The following MICU3 variants were observed in gnomAD, a reference collection of about 807,000 sequenced individuals.
MICU3 encodes mitochondrial calcium uptake 3.
In MICU3, 62 loss-of-function variants were observed where a neutral mutation model predicts 66.5. The ratio of observed to expected loss-of-function variants is 0.93; its 90% confidence interval spans 0.76 to 1.15. The LOEUF is 1.15. Among genes scored for constraint, MICU3 ranks in the 50% most tolerant of loss-of-function variants. The pLI, the probability that MICU3 is intolerant of heterozygous loss-of-function variation, is 0.00. For missense variants in MICU3, 779 were observed against 664.4 expected, an observed-to-expected ratio of 1.17 and a Z score of -1.90; for synonymous variants, 308 against 240.7, an observed-to-expected ratio of 1.28 and a Z score of -2.59.
At chr8:17,034,169 C>T (rs2150491773) in intron 1 of MICU3, among the ~76,000 whole-genome samples, 1 of 152,288 alleles carries the variant, frequency 6.6e-6, no homozygotes, top group Non-Finnish European at 1.5e-5. Context: ...TCTATGCTAC[C>T]TGTGTTATGT....
chr8:17,077,536 C>G (rs1020211934), intron 3 of MICU3, among the ~76,000 whole-genome samples: 3 of 152,132 alleles, frequency 2.0e-5, no homozygotes, highest in African/African-American at 7.2e-5. Context: ...CGTTATTCAA[C>G]TTATCTGAAA....
rs76019540 is a variant in MICU3, at chr8:17,116,201, T to C, written c.1367-242T>C. On this transcript the variant is annotated intron_variant, in intron 12 of 14. Transcript: ENST00000318063. ...AGTATCTGTCACTGATAGTAGGTGC[T>C]CATTAAACATTCATCGAATGTGAAT... Among the ~76,000 whole-genome samples, 1,170 of 152,340 alleles carry C rather than the reference T, an allele frequency of 7.7e-3. 14 individuals are homozygous for C. The highest frequency in any genetic ancestry group is 0.02 in the Middle Eastern group (6 of 294).
chr8:17,053,718 AT>A (rs1020183074), intron 1 of MICU3, among the ~76,000 whole-genome samples: 11 of 152,182 alleles, frequency 7.2e-5, no homozygotes, highest in African/African-American at 2.7e-4. Flanking sequence ...AATCATGTAT[AT>A]TTTTATCATT....
chr8:17,088,131 C>G (rs540117382), intron 7 of MICU3, among the ~76,000 whole-genome samples: 10 of 151,946 alleles, frequency 6.6e-5, no homozygotes, highest in African/African-American at 2.4e-4. Flanking sequence ...TGAATGAAAG[C>G]AGATTATCAG....
At chr8:17,118,230 A>G (rs1300771019) in intron 13 of MICU3, among the ~76,000 whole-genome samples, 1 of 152,076 alleles carries the variant, frequency 6.6e-6, no homozygotes, top group Non-Finnish European at 1.5e-5. Context: ...TTTATTACAT[A>G]CCTGTGGCCT....
At chr8:17,083,895 A>G (rs1821559278) in intron 5 of MICU3, among the ~76,000 whole-genome samples, 1 of 152,220 alleles carries the variant, frequency 6.6e-6, no homozygotes, top group African/African-American at 2.4e-5. Flanking sequence ...GGCAAGGATA[A>G]GAAGTGTTGG....
chr8:17,067,705 G>A (rs1029414927), intron 2 of MICU3, among the ~76,000 whole-genome samples: 1 of 152,096 alleles, frequency 6.6e-6, no homozygotes, highest in Non-Finnish European at 1.5e-5. Context: ...CTCCAAAGGG[G>A]TGCAATTACA....
rs770814241 is a variant in MICU3 at position 17,116,598 on chromosome 8, C to A, written c.1522C>A (p.Arg508=). The A allele has an allele frequency of 1.9e-6, 3 of 1,554,026 alleles. No homozygotes were observed. The highest frequency in any genetic ancestry group is 2.5e-5 in the South Asian group (2 of 79,912). Residue 508 remains arginine (R), a splice_region_variant and synonymous_variant, in exon 13 of 15, where the codon CGG becomes AGG. Transcript: ENST00000318063. ...IMKDRLHRGF[R]GYKTVQKYPT... ...GAAAGACAGACTCCATAGAGGATTC[C>A]GGGTAAACCTACACATTTTAAACCT... is the stretch of plus-strand genomic sequence containing the variant.
chr8:17,030,681 T>C (rs895297743), intron 1 of MICU3, among the ~76,000 whole-genome samples: 2 of 152,270 alleles, frequency 1.3e-5, no homozygotes, highest in Admixed American at 6.5e-5. Context: ...ACAGCACTTA[T>C]GTTGGTGAGT....
At chr8:17,072,711 C>G (rs761711209) in intron 3 of MICU3, among the ~76,000 whole-genome samples, 1 of 151,840 alleles carries the variant, frequency 6.6e-6, no homozygotes, top group Non-Finnish European at 1.5e-5. Context: ...CCTACAATGG[C>G]CACTGAATAT....
chr8:17,040,245 C>T (rs919357549), intron 1 of MICU3, among the ~76,000 whole-genome samples: 14 of 152,104 alleles, frequency 9.2e-5, no homozygotes, highest in African/African-American at 3.1e-4. Context: ...TTTAAAGCTT[C>T]TTTGAGGAAG....
At chr8:17,059,713 T>C (rs542339529) in intron 1 of MICU3, among the ~76,000 whole-genome samples, 1 of 152,226 alleles carries the variant, frequency 6.6e-6, no homozygotes, top group African/African-American at 2.4e-5. Flanking sequence ...GAAAGTGTAA[T>C]AGAATAAAAG....
At chr8:17,044,057 G>T (rs904780187) in intron 1 of MICU3, among the ~76,000 whole-genome samples, 1 of 152,102 alleles carries the variant, frequency 6.6e-6, no homozygotes, top group African/African-American at 2.4e-5. Context: ...CATACTTAAG[G>T]TTCTTGCCTT....
At chr8:17,054,545 C>T (rs1305715404) in intron 1 of MICU3, among the ~76,000 whole-genome samples, 13 of 151,970 alleles carry the variant, frequency 8.6e-5, no homozygotes, top group Admixed American at 8.5e-4. Flanking sequence ...AATGTGAAGA[C>T]CTGTAGGTAG....
chr8:17,073,862 G>C (rs547214087), intron 3 of MICU3, among the ~76,000 whole-genome samples: 1 of 152,116 alleles, frequency 6.6e-6, no homozygotes, highest in Non-Finnish European at 1.5e-5. Context: ...ATTAACATGA[G>C]TAGAACTAGA....
At chr8:17,124,164 C>G (rs1563411306), downstream of MICU3, among the ~76,000 whole-genome samples, 2 of 152,034 alleles carry the variant, frequency 1.3e-5, no homozygotes, top group Non-Finnish European at 2.9e-5. Context: ...AGTCCCCCTC[C>G]AAGACACACA....
intron 1 of MICU3, among the ~76,000 whole-genome samples, chr8:17,046,236 G>A (rs1316637016): frequency 6.6e-6 from 1 of 152,112 alleles, no homozygotes; most frequent in Non-Finnish European, 1.5e-5. Flanking sequence ...GTGGGATCTA[G>A]CACTATCTCC....
chr8:17,083,082 A>G (rs1017210607), intron 5 of MICU3, among the ~76,000 whole-genome samples: 35 of 152,130 alleles, frequency 2.3e-4, no homozygotes, highest in Middle Eastern at 3.4e-3. Flanking sequence ...AGAGTTCTTA[A>G]GGATAATTTG....
intron 1 of MICU3, among the ~76,000 whole-genome samples, chr8:17,050,166 A>G (rs899945250): frequency 6.6e-6 from 1 of 152,188 alleles, no homozygotes; most frequent in Non-Finnish European, 1.5e-5. Context: ...TTAAATTTTA[A>G]TAGAAACTTA....
Sources: allele counts gnomAD v4.1 joint callset (sites outside exome capture counted in the v4.1 genomes callset), GRCh38; gene constraint gnomAD v4.1.1; transcripts MANE v1.5; gene names NCBI Gene and HGNC (gene_info 2026-07-23, HGNC 2026-07-21).